RASEF: variants seen among roughly 807,000 people sequenced by gnomAD.
RASEF encodes ras and EF-hand domain-containing protein.
RASEF carries 68 observed loss-of-function variants against 90.1 expected under a neutral mutation model. The ratio of observed to expected loss-of-function variants is 0.75; its 90% confidence interval spans 0.62 to 0.92. The LOEUF (loss-of-function observed/expected upper bound fraction) is 0.92. Among genes scored for constraint, RASEF ranks in the 40% least tolerant of loss-of-function variants. The probability of loss-of-function intolerance (pLI) is 0.00; values close to 1 mark genes in which losing one functional copy is unlikely to be tolerated. For missense variants in RASEF, 949 were observed against 937.2 expected (o/e 1.01, Z -0.16); for synonymous variants, 331 against 345.2 (o/e 0.96, Z 0.46).
chr9:83,076,809 A>G, the RASEF span, among the ~76,000 whole-genome samples: 1 of 152,194 alleles, frequency 6.6e-6, no homozygotes, highest in Non-Finnish European at 1.5e-5. Context: ...CTACTCACAT[A>G]ATTCTTGAAA....
chr9:83,215,150 G>A, the RASEF span, among the ~76,000 whole-genome samples: 1 of 151,690 alleles, frequency 6.6e-6, no homozygotes, highest in Non-Finnish European at 1.5e-5. Flanking sequence ...CCAACTCCAG[G>A]GGAAGATCAT....
chr9:83,036,998 C>T (rs935881326), intron 1 of RASEF, among the ~76,000 whole-genome samples: 1 of 151,964 alleles, frequency 6.6e-6, no homozygotes, highest in African/African-American at 2.4e-5. Context: ...TCATTAGCCA[C>T]ATGAAAACCA....
At chr9:83,155,960 G>T in the RASEF span, among the ~76,000 whole-genome samples, 22 of 152,082 alleles carry the variant, frequency 1.4e-4, no homozygotes, top group Non-Finnish European at 2.6e-4. Context: ...TCCATCCCAG[G>T]ATCTGTCACT....
the RASEF span, among the ~76,000 whole-genome samples, chr9:83,098,773 C>T: frequency 6.6e-6 from 1 of 152,158 alleles, no homozygotes; most frequent in South Asian, 2.1e-4. Flanking sequence ...ATTTATAAAA[C>T]TATCAGATCT....
the RASEF span, among the ~76,000 whole-genome samples, chr9:83,195,109 C>T: frequency 2.0e-5 from 3 of 152,170 alleles, no homozygotes; most frequent in African/African-American, 4.8e-5. Context: ...TTGGGCTGCC[C>T]GCATCTTCTT....
chr9:83,203,623 C>T, the RASEF span, among the ~76,000 whole-genome samples: 2 of 152,100 alleles, frequency 1.3e-5, no homozygotes, highest in South Asian at 2.1e-4. Flanking sequence ...AAATAGGATG[C>T]CTTGAGAGAA....
chr9:83,115,519 C>A, the RASEF span, among the ~76,000 whole-genome samples: 1 of 152,154 alleles, frequency 6.6e-6, no homozygotes, highest in Non-Finnish European at 1.5e-5. Context: ...CAGCCACTGG[C>A]AAGGGTGTGA....
At chr9:83,041,508 A>C (rs1829842283) in intron 1 of RASEF, among the ~76,000 whole-genome samples, 1 of 152,220 alleles carries the variant, frequency 6.6e-6, no homozygotes, top group African/African-American at 2.4e-5. Flanking sequence ...GAATTTCTTA[A>C]ACACATTTCC....
At chr9:83,063,186 G>C (rs1258257856), upstream of RASEF, 1 of 338,370 alleles carries the variant, frequency 3.0e-6, no homozygotes, top group South Asian at 7.4e-5. Flanking sequence ...TTCCCGGCGG[G>C]TGCAGCTCCG....
Position 83,033,952 on chromosome 9 carries a change from T to C in RASEF, c.432-8031A>G, listed in dbSNP as rs558008041. Reference sequence around the variant, plus strand: ...TCTAGTCAGTAAGTGCAAAGGTTTATCCTTTTTCTCCCATATGAGTTAAAT... The same window carrying C: ...TCTAGTCAGTAAGTGCAAAGGTTTACCCTTTTTCTCCCATATGAGTTAAAT... On this transcript the variant is annotated intron_variant, in intron 1 of 16. Coordinates refer to ENST00000376447, the MANE Select transcript of RASEF (RefSeq NM_152573.4). Among the ~76,000 whole-genome samples the C allele has an allele frequency of 4.3e-4, 65 of 152,310 alleles. 1 individual carries two copies. The South Asian group carries it at 6.8e-3, about 16-fold the overall frequency.
the RASEF span, among the ~76,000 whole-genome samples, chr9:83,094,150 A>AAAATAAAAAATTATTTT: frequency 6.6e-6 from 1 of 151,828 alleles, no homozygotes; most frequent in Admixed American, 6.5e-5. Flanking sequence ...TACTATCATG[A>AAAATAAAAAATTATTTT]GATGCCATTC....
chr9:83,152,039 C>A, the RASEF span, among the ~76,000 whole-genome samples: 1 of 152,146 alleles, frequency 6.6e-6, no homozygotes, highest in East Asian at 1.9e-4. Flanking sequence ...AGACAGTTAT[C>A]TTCCCTCCCC....
the RASEF span, among the ~76,000 whole-genome samples, chr9:83,218,349 T>G: frequency 6.6e-6 from 1 of 152,092 alleles, no homozygotes; most frequent in Admixed American, 6.5e-5. Context: ...CTCCCCTCCC[T>G]CATCCTCACT....
At chr9:83,145,618 C>T in the RASEF span, among the ~76,000 whole-genome samples, 1 of 151,580 alleles carries the variant, frequency 6.6e-6, no homozygotes, top group African/African-American at 2.4e-5. Flanking sequence ...AATAATAGTT[C>T]CAAGGAAGAT....
chr9:83,069,313 C>G, the RASEF span, among the ~76,000 whole-genome samples: 1 of 152,126 alleles, frequency 6.6e-6, no homozygotes, highest in East Asian at 1.9e-4. Context: ...TTGCCATTGA[C>G]CCCCTTCCCC....
the RASEF span, among the ~76,000 whole-genome samples, chr9:83,144,412 G>GAAAGAAAGAAAT: frequency 1.6e-5 from 2 of 122,872 alleles, no homozygotes; most frequent in East Asian, 4.5e-4. Flanking sequence ...AAGAAAGAAA[G>GAAAGAAAGAAAT]AAAGAAAAGA....
intron 16 of RASEF, among the ~76,000 whole-genome samples, chr9:82,985,056 G>A (rs575603111): frequency 1.3e-5 from 2 of 152,290 alleles, no homozygotes; most frequent in East Asian, 3.9e-4. Flanking sequence ...AGGCATAAGA[G>A]CTTGGCCTGA....
At chr9:83,106,084 T>C in the RASEF span, among the ~76,000 whole-genome samples, 17 of 152,286 alleles carry the variant, frequency 1.1e-4, no homozygotes, top group African/African-American at 4.1e-4. Flanking sequence ...TCATCTCTCT[T>C]ACCTGGTACT....
the RASEF span, among the ~76,000 whole-genome samples, chr9:83,196,721 T>C: frequency 7.9e-5 from 12 of 152,360 alleles, no homozygotes; most frequent in South Asian, 2.5e-3. Context: ...GTCTGACTCC[T>C]TTAATTCTAA....
Sources: allele counts gnomAD v4.1 joint callset (sites outside exome capture counted in the v4.1 genomes callset), GRCh38; gene constraint gnomAD v4.1.1; transcripts MANE v1.5; gene names NCBI Gene and HGNC (gene_info 2026-07-23, HGNC 2026-07-21).